Variants in LCLAT1 observed in about 807,000 individuals in gnomAD.
The protein encoded by LCLAT1 is lysocardiolipin acyltransferase 1, also known as 1-AGP acyltransferase 8.
In LCLAT1, 11 loss-of-function variants were observed where a neutral mutation model predicts 30.7. That is an observed-to-expected ratio of 0.36 (90% CI 0.23 to 0.59). LCLAT1 has a LOEUF of 0.59. Ranked by LOEUF, LCLAT1 falls within the 20% of genes least tolerant of loss-of-function variation. LCLAT1 has a pLI of 0.77. For missense variants in LCLAT1, 402 were observed against 458.6 expected (o/e 0.88, Z 1.13); for synonymous variants, 155 against 151.3 (o/e 1.02, Z -0.18).
chr2:30,470,852 G>T (rs1310693488), intron 1 of LCLAT1, among the ~76,000 whole-genome samples: 1 of 151,140 alleles, frequency 6.6e-6, no homozygotes, highest in Non-Finnish European at 1.5e-5. Flanking sequence ...GCTTTGAGTA[G>T]TATTGCCATG....
chr2:30,508,964 C>T (rs1258868798), intron 1 of LCLAT1, among the ~76,000 whole-genome samples: 1 of 152,094 alleles, frequency 6.6e-6, no homozygotes, highest in Non-Finnish European at 1.5e-5. Context: ...TTGTAGTTCT[C>T]CTTGTAGAAA....
rs1667467764 is a variant in LCLAT1 at position 30,606,880 on chromosome 2, A to T, written c.629-33237A>T. 2.0e-5 allele frequency: 3 copies of T among 152,168 alleles called. No individual in the cohort carries two copies. In the South Asian group the frequency reaches 6.3e-4, roughly 32 times the overall value. 9.4% of individuals were successfully genotyped at this position (152,168 alleles called of 1,614,324 possible). ...TATTCAGAGTCAACAAGAAACTAAA[A>T]CAAATTTACAAGAAAAAACAACCCC... On this transcript the variant is annotated intron_variant, in intron 5 of 5. Coordinates refer to ENST00000379509, the MANE Select transcript of LCLAT1 (RefSeq NM_001002257.3).
chr2:30,506,122 G>T (rs1005117963), intron 1 of LCLAT1, among the ~76,000 whole-genome samples: 1 of 151,900 alleles, frequency 6.6e-6, no homozygotes, highest in African/African-American at 2.4e-5. Flanking sequence ...TGGTGAACTG[G>T]GCTTTTATTT....
chr2:30,578,976 G>A (rs187259719), intron 5 of LCLAT1, among the ~76,000 whole-genome samples: 21 of 152,152 alleles, frequency 1.4e-4, no homozygotes, highest in African/African-American at 4.3e-4. Context: ...TCAGTAAAAA[G>A]CATCTTTACC....
chr2:30,535,285 C>G (rs1686188135), intron 3 of LCLAT1, among the ~76,000 whole-genome samples: 1 of 152,048 alleles, frequency 6.6e-6, no homozygotes, highest in Admixed American at 6.5e-5. Context: ...GAAATAAATT[C>G]CAAAACATTC....
At chr2:30,600,708 A>G (rs1427727948) in intron 5 of LCLAT1, among the ~76,000 whole-genome samples, 1 of 151,916 alleles carries the variant, frequency 6.6e-6, no homozygotes, top group Admixed American at 6.6e-5. Flanking sequence ...GGCTGCCCTT[A>G]TCATTTTTTC....
intron 3 of LCLAT1, among the ~76,000 whole-genome samples, chr2:30,553,671 C>A (rs930206650): frequency 1.3e-5 from 2 of 151,828 alleles, no homozygotes; most frequent in African/African-American, 4.8e-5. Flanking sequence ...AAAAATTAGC[C>A]GGGCGCGGTG....
intron 5 of LCLAT1, among the ~76,000 whole-genome samples, chr2:30,622,663 G>A (rs893390630): frequency 6.6e-6 from 1 of 152,186 alleles, no homozygotes; most frequent in Non-Finnish European, 1.5e-5. Context: ...CCAGCCGGAA[G>A]CCTGGTAGCT....
intron 1 of LCLAT1, among the ~76,000 whole-genome samples, chr2:30,479,321 T>C (rs898972860): frequency 1.3e-5 from 2 of 151,946 alleles, no homozygotes; most frequent in Non-Finnish European, 2.9e-5. Context: ...CTTCCAACTT[T>C]GGGGTTCAAG....
intron 1 of LCLAT1, among the ~76,000 whole-genome samples, chr2:30,470,031 A>G (rs1255494879): frequency 1.3e-5 from 2 of 152,122 alleles, no homozygotes; most frequent in Non-Finnish European, 2.9e-5. Flanking sequence ...ACGCCCAGCA[A>G]GAATCTGCAT....
intron 5 of LCLAT1, among the ~76,000 whole-genome samples, chr2:30,618,426 C>G (rs938704985): frequency 6.6e-6 from 1 of 152,088 alleles, no homozygotes; most frequent in Admixed American, 6.6e-5. Flanking sequence ...GGGTCTTTCT[C>G]TCAGTCATGT....
At chr2:30,558,609 A>G (rs1038165781) in intron 3 of LCLAT1, among the ~76,000 whole-genome samples, 1 of 152,020 alleles carries the variant, frequency 6.6e-6, no homozygotes, top group Non-Finnish European at 1.5e-5. Flanking sequence ...AAAAAAAAAA[A>G]AAAAAAAAAG....
chr2:30,477,428 T>C (rs1014479819), intron 1 of LCLAT1, among the ~76,000 whole-genome samples: 1 of 152,060 alleles, frequency 6.6e-6, no homozygotes, highest in African/African-American at 2.4e-5. Context: ...AAGAAAGGAA[T>C]ATTATATTGT....
At chr2:30,625,923 TAC>T in intron 5 of LCLAT1, among the ~76,000 whole-genome samples, 1 of 152,214 alleles carries the variant, frequency 6.6e-6, no homozygotes, top group South Asian at 2.1e-4. Context: ...CAAGGGCTCT[TAC>T]GATACTTAAA....
At chr2:30,503,092 A>G (rs1391131137) in intron 1 of LCLAT1, among the ~76,000 whole-genome samples, 1 of 152,214 alleles carries the variant, frequency 6.6e-6, no homozygotes, top group African/African-American at 2.4e-5. Flanking sequence ...AGGGGCAGTA[A>G]CTTCCAGGCC....
chr2:30,456,897 A>G (rs896629719), intron 1 of LCLAT1, among the ~76,000 whole-genome samples: 1 of 152,196 alleles, frequency 6.6e-6, no homozygotes, highest in African/African-American at 2.4e-5. Context: ...TGGAAGCGAA[A>G]GTTGGACAGG....
chr2:30,583,804 T>C (rs1206540178), intron 5 of LCLAT1, among the ~76,000 whole-genome samples: 2 of 152,212 alleles, frequency 1.3e-5, no homozygotes, highest in East Asian at 1.9e-4. Context: ...ATGTGGTGTT[T>C]GTGTAGCCAC....
Position 30,476,452 on chromosome 2 carries a change from C to T in LCLAT1, c.-5+29069C>T, listed in dbSNP as rs60912534. 1.4e-3 allele frequency: 630 copies of T among 456,630 alleles called. 3 individuals are homozygous for T. Among genetic ancestry groups the T allele is most frequent in the African/African-American group, 0.01 (524 of 50,150 alleles). The allele number at this position is 456,630 out of a possible 1,614,324, so 28.3% of individuals were successfully genotyped here. The stretch of plus-strand genomic sequence containing the variant: ...CCTGATTTCCACCTCTGCTCAGATC[C>T]GCCACTGCATTCGATTCTTACAGGA... On this transcript the variant is annotated intron_variant, in intron 1 of 5. Coordinates refer to ENST00000379509, the MANE Select transcript of LCLAT1 (RefSeq NM_001002257.3).
intron 5 of LCLAT1, among the ~76,000 whole-genome samples, chr2:30,616,750 G>A (rs1665349320): frequency 6.6e-6 from 1 of 151,986 alleles, no homozygotes; most frequent in East Asian, 1.9e-4. Context: ...GAAAAAGGAT[G>A]CAAAATAACA....
Sources: allele counts gnomAD v4.1 joint callset (sites outside exome capture counted in the v4.1 genomes callset), GRCh38; gene constraint gnomAD v4.1.1; transcripts MANE v1.5; gene names NCBI Gene and HGNC (gene_info 2026-07-23, HGNC 2026-07-21).